VAT1L: variants seen among roughly 807,000 people sequenced by gnomAD.
VAT1L encodes the protein putative NADPH-dependent quinone oxidoreductase VAT1L.
Under a neutral mutation model 44.1 loss-of-function variants are expected in VAT1L, and 34 were observed. The ratio of observed to expected loss-of-function variants is 0.77; its 90% confidence interval spans 0.59 to 1.03. VAT1L has a LOEUF of 1.03. VAT1L is among the 50% of genes least tolerant of loss of function. The pLI is 0.00. For missense variants in VAT1L, 615 were observed against 538.8 expected, an observed-to-expected ratio of 1.14 and a Z score of -1.40; for synonymous variants, 253 against 202.2, an observed-to-expected ratio of 1.25 and a Z score of -2.13.
intron 6 of VAT1L, among the ~76,000 whole-genome samples, chr16:77,880,005 C>G (rs565066592): frequency 6.6e-6 from 1 of 152,248 alleles, no homozygotes; most frequent in East Asian, 1.9e-4. Flanking sequence ...CTCAGACAAG[C>G]TCATGAACCA....
At chr16:77,817,802 A>G (rs1379457642) in intron 2 of VAT1L, among the ~76,000 whole-genome samples, 1 of 152,222 alleles carries the variant, frequency 6.6e-6, no homozygotes, top group African/African-American at 2.4e-5. Flanking sequence ...GCACAAGTCA[A>G]TTACACAAAA....
At chr16:77,915,478 A>G (rs937044960) in intron 7 of VAT1L, among the ~76,000 whole-genome samples, 1 of 152,250 alleles carries the variant, frequency 6.6e-6, no homozygotes, top group African/African-American at 2.4e-5. Context: ...TTAGAGGACA[A>G]GGCAGTATAT....
chr16:77,800,749 C>T (rs1239502536), intron 1 of VAT1L: 1 of 152,172 alleles, frequency 6.6e-6, no homozygotes, highest in South Asian at 2.1e-4. Flanking sequence ...GCACATGCTA[C>T]CTTGTATATT....
intron 7 of VAT1L, chr16:77,893,046 T>C: frequency 1.9e-6 from 1 of 539,106 alleles, no homozygotes; most frequent in Non-Finnish European, 3.4e-6. Context: ...TTGGGTTCCA[T>C]GTTTTCCTTG....
intron 1 of VAT1L, among the ~76,000 whole-genome samples, chr16:77,809,918 T>A (rs1455597037): frequency 6.6e-6 from 1 of 152,238 alleles, no homozygotes; most frequent in East Asian, 1.9e-4. Context: ...GATATTTTTA[T>A]CAGCAACTTG....
chr16:77,796,636 C>A (rs137924392), intron 1 of VAT1L, among the ~76,000 whole-genome samples: 1 of 152,302 alleles, frequency 6.6e-6, no homozygotes, highest in East Asian at 1.9e-4. Flanking sequence ...GCAGTCTTGA[C>A]GGTGCCTTGC....
chr16:77,825,244 A>G lies in VAT1L; in HGVS notation c.364-2A>G. On this transcript the variant is annotated splice_acceptor_variant, in intron 2 of 8. Coordinates refer to ENST00000302536, the MANE Select transcript of VAT1L (RefSeq NM_020927.3). LOFTEE classifies it high-confidence loss of function. The stretch of plus-strand genomic sequence containing the variant: ...ACTAACTCTGTGTTTCCCCATGCCC[A>G]GATTGGAGACCGTGTCATGGCATTT... The G allele has an allele frequency of 6.2e-7, 1 of 1,613,994 alleles. No homozygotes were observed. The highest frequency in any genetic ancestry group is 8.5e-7 in the Non-Finnish European group (1 of 1,180,022).
chr16:77,975,739 C>T (rs925138977), intron 8 of VAT1L, among the ~76,000 whole-genome samples: 1 of 152,190 alleles, frequency 6.6e-6, no homozygotes, highest in African/African-American at 2.4e-5. Flanking sequence ...AAAGCAAAGT[C>T]GAAACTCATC....
At chr16:77,902,922 G>A (rs2017399240) in intron 7 of VAT1L, among the ~76,000 whole-genome samples, 1 of 145,008 alleles carries the variant, frequency 6.9e-6, no homozygotes, top group Non-Finnish European at 1.5e-5. Flanking sequence ...TCAGTGAGCT[G>A]AGATGGAGCC....
At chr16:77,798,980 C>T (rs769456866) in intron 1 of VAT1L, among the ~76,000 whole-genome samples, 1 of 152,052 alleles carries the variant, frequency 6.6e-6, no homozygotes, top group Non-Finnish European at 1.5e-5. Flanking sequence ...CTTTCATCCT[C>T]TCTCCTCATA....
rs145010069 is a variant in VAT1L at position 77,918,314 on chromosome 16, G to A, written c.1077+33512G>A. Among the ~76,000 whole-genome samples, 262 of 152,244 alleles carry A rather than the reference G, an allele frequency of 1.7e-3. 1 individual carries two copies. The highest frequency in any genetic ancestry group is 6.0e-3 in the African/African-American group (251 of 41,552). On this transcript the variant is annotated intron_variant, in intron 7 of 8. Coordinates refer to ENST00000302536, the MANE Select transcript of VAT1L (RefSeq NM_020927.3). ...TTTTTCTTATTACATCCCAATTAAT[G>A]GTGCTACCATCCGTGCAGGAAACCA...
chr16:77,922,283 T>C (rs138694282), intron 7 of VAT1L, among the ~76,000 whole-genome samples: 1 of 152,208 alleles, frequency 6.6e-6, no homozygotes, highest in African/African-American at 2.4e-5. Flanking sequence ...TTATTAGGTC[T>C]TGGAATTAAA....
At chr16:77,823,300 A>G (rs1390903019) in intron 2 of VAT1L, among the ~76,000 whole-genome samples, 2 of 152,174 alleles carry the variant, frequency 1.3e-5, no homozygotes, top group East Asian at 3.9e-4. Context: ...CTTTTGGCTT[A>G]AGACTGCATT....
intron 7 of VAT1L, among the ~76,000 whole-genome samples, chr16:77,903,734 CTT>C (rs552342074): frequency 2.2e-3 from 271 of 124,348 alleles, no homozygotes; most frequent in African/African-American, 7.5e-3. Context: ...TCTCTCATTA[CTT>C]TTTTTTTTTT....
intron 1 of VAT1L, among the ~76,000 whole-genome samples, chr16:77,814,875 A>G (rs1021401154): frequency 2.0e-5 from 3 of 152,202 alleles, no homozygotes; most frequent in Admixed American, 1.3e-4. Flanking sequence ...AATATATCAC[A>G]TACTTCTGCC....
intron 7 of VAT1L, among the ~76,000 whole-genome samples, chr16:77,913,947 A>G (rs2017524682): frequency 1.3e-5 from 2 of 152,178 alleles, no homozygotes; most frequent in South Asian, 4.1e-4. Context: ...TTCAGCAACA[A>G]CATTGACTGA....
At chr16:77,942,596 T>TTGCC (rs1385580604) in intron 7 of VAT1L, among the ~76,000 whole-genome samples, 1 of 152,232 alleles carries the variant, frequency 6.6e-6, no homozygotes, top group Non-Finnish European at 1.5e-5. Context: ...GCATCCATAG[T>TTGCC]TGCCTCATTT....
chr16:77,797,383 T>C lies in VAT1L; in HGVS notation c.233+8468T>C, dbSNP rs545079898. Among the ~76,000 whole-genome samples, 666 of 152,300 alleles carry C rather than the reference T, an allele frequency of 4.4e-3. 2 individuals carry two copies. The highest frequency in any genetic ancestry group is 0.01 in the Middle Eastern group (3 of 294). On this transcript the variant is annotated intron_variant, in intron 1 of 8. Transcript: ENST00000302536. ...GCCTCAGCCTCCCAAAGTGCTGGGA[T>C]TACAGGCGTGAGCCACCGCGCCCAG...
chr16:77,931,091 A>G (rs1057253966), intron 7 of VAT1L, among the ~76,000 whole-genome samples: 3 of 152,186 alleles, frequency 2.0e-5, no homozygotes, highest in African/African-American at 7.2e-5. Context: ...ACCTGCAATT[A>G]ACACCCAGGT....
Sources: gnomAD v4.1 joint callset for allele counts (sites outside exome capture counted in the v4.1 genomes callset) on GRCh38, gnomAD v4.1.1 for gene constraint, MANE v1.5 for transcripts, NCBI Gene and HGNC (gene_info 2026-07-23, HGNC 2026-07-21) for gene names.